The following TRHDE variants were observed in gnomAD, a reference collection of about 807,000 sequenced individuals.
TRHDE encodes thyrotropin-releasing hormone-degrading ectoenzyme.
Under a neutral mutation model 125.7 loss-of-function variants are expected in TRHDE, and 72 were observed. The ratio of observed to expected loss-of-function variants is 0.57; its 90% CI spans 0.47 to 0.70. TRHDE has a LOEUF of 0.70. Among genes scored for constraint, TRHDE ranks in the 30% least tolerant of loss-of-function variants. TRHDE has a pLI of 0.00. For synonymous variants in TRHDE, 509 were observed against 509.1 expected (o/e 1.00, Z 0.00); for missense variants, 1,110 against 1,327.1 (o/e 0.84, Z 2.54).
chr12:72,096,896 A>G (rs1874936296), intron 1 of TRHDE, among the ~76,000 whole-genome samples: 1 of 152,242 alleles, frequency 6.6e-6, no homozygotes, highest in Admixed American at 6.5e-5. Flanking sequence ...TTGGCAAAAT[A>G]CAGTCAATAA....
At chr12:72,148,378 T>C (rs1876276823) in intron 2 of TRHDE, among the ~76,000 whole-genome samples, 1 of 152,200 alleles carries the variant, frequency 6.6e-6, no homozygotes, top group Non-Finnish European at 1.5e-5. Context: ...ATCAATTTAA[T>C]AACAGAATAT....
rs548344423 is a variant in TRHDE at position 72,667,214 on chromosome 12, C to T, written c.*4019C>T. 1 of 151,884 alleles carries T rather than the reference C, an allele frequency of 6.6e-6. No individual in the cohort carries two copies. The highest frequency in any genetic ancestry group is 2.1e-4 in the South Asian group (1 of 4,806). 9.4% of individuals were successfully genotyped at this position (151,884 alleles called of 1,614,324 possible). A position where few individuals can be genotyped will look rare whatever the true frequency, so the allele number is the denominator to read the frequency against. On this transcript the variant is annotated 3_prime_UTR_variant, in exon 19 of 19. Coordinates refer to ENST00000261180, the MANE Select transcript of TRHDE (RefSeq NM_013381.3). Reference sequence around the variant, plus strand: ...AATTCTTTTCTAAGAAGTTGGAGAACCTAAAATAGCTTGCTTATTCGCCTG... The same window carrying T: ...AATTCTTTTCTAAGAAGTTGGAGAATCTAAAATAGCTTGCTTATTCGCCTG...
chr12:72,467,773 C>T (rs1876454062), intron 3 of TRHDE, among the ~76,000 whole-genome samples: 1 of 152,208 alleles, frequency 6.6e-6, no homozygotes, highest in Non-Finnish European at 1.5e-5. Flanking sequence ...CGAGATCGCA[C>T]CACTGCACTC....
intron 15 of TRHDE, among the ~76,000 whole-genome samples, chr12:72,648,790 A>C (rs1427661286): frequency 1.3e-5 from 2 of 152,110 alleles, no homozygotes; most frequent in Non-Finnish European, 2.9e-5. Context: ...CTATGAAAAA[A>C]AAATACAAAA....
chr12:72,587,987 G>A (rs1404687680), intron 12 of TRHDE, among the ~76,000 whole-genome samples: 2 of 152,102 alleles, frequency 1.3e-5, no homozygotes, highest in South Asian at 2.1e-4. Context: ...AAACAAGTCA[G>A]TTTCTGAAGT....
chr12:72,352,924 T>C lies in TRHDE; in HGVS notation c.1189-25071T>C, dbSNP rs376237617. ...ACAAAGTACTTGTCTCTGAGAAAAT[T>C]TGACAGAATTTGTACCTCTTCTGTA... On this transcript the variant is annotated intron_variant, in intron 2 of 18. Coordinates refer to ENST00000261180, the MANE Select transcript of TRHDE (RefSeq NM_013381.3). Among the ~76,000 whole-genome samples, 6 of 151,612 alleles carry C rather than the reference T, an allele frequency of 4.0e-5. No homozygotes were observed. In the South Asian group the frequency reaches 1.0e-3, roughly 26 times the overall value.
Position 72,358,423 on chromosome 12 carries a change from T to A in TRHDE, c.1189-19572T>A, listed in dbSNP as rs116283455. On this transcript the variant is annotated intron_variant, in intron 2 of 18. Coordinates refer to ENST00000261180, the MANE Select transcript of TRHDE (RefSeq NM_013381.3). ...TCATGATTTTAATAACATTTTCTTT[T>A]GTCTACCTTGCTTTATTGTAAGAAT... is the stretch of plus-strand genomic sequence containing the variant. Among the ~76,000 whole-genome samples the A allele has an allele frequency of 6.4e-3, 970 of 151,784 alleles. 12 individuals carry two copies. Among genetic ancestry groups the A allele is most frequent in the African/African-American group, 0.022 (897 of 41,496 alleles).
intron 3 of TRHDE, among the ~76,000 whole-genome samples, chr12:72,400,534 G>T (rs1301697183): frequency 6.6e-6 from 1 of 152,146 alleles, no homozygotes; most frequent in East Asian, 1.9e-4. Context: ...ATAGATATTA[G>T]ATATTCTCAA....
chr12:72,190,152 C>A (rs1877309581), intron 2 of TRHDE, among the ~76,000 whole-genome samples: 1 of 152,188 alleles, frequency 6.6e-6, no homozygotes, highest in South Asian at 2.1e-4. Flanking sequence ...ACTCCATCAT[C>A]AGGTAGAAAT....
chr12:72,605,870 T>C (rs980467886), intron 12 of TRHDE, among the ~76,000 whole-genome samples: 1 of 152,168 alleles, frequency 6.6e-6, no homozygotes, highest in Non-Finnish European at 1.5e-5. Context: ...GCAGCTGTAA[T>C]TCAATGTAAG....
chr12:72,144,172 A>T (rs1175599294), intron 2 of TRHDE, among the ~76,000 whole-genome samples: 2 of 152,160 alleles, frequency 1.3e-5, no homozygotes, highest in Non-Finnish European at 2.9e-5. Context: ...GGAGGAATTC[A>T]TTGCTTCTAG....
chr12:72,552,840 T>G (rs1869741942), intron 7 of TRHDE, among the ~76,000 whole-genome samples: 1 of 152,162 alleles, frequency 6.6e-6, no homozygotes, highest in Admixed American at 6.5e-5. Context: ...GATTTTTGTT[T>G]TATTTTTAAA....
chr12:72,300,857 A>C (rs890358552), intron 2 of TRHDE, among the ~76,000 whole-genome samples: 2 of 152,122 alleles, frequency 1.3e-5, no homozygotes, highest in Non-Finnish European at 2.9e-5. Flanking sequence ...GTGACAAAAA[A>C]ATAGAAGTGA....
chr12:72,223,133 T>C (rs1878034003), intron 2 of TRHDE, among the ~76,000 whole-genome samples: 1 of 151,988 alleles, frequency 6.6e-6, no homozygotes, highest in South Asian at 2.1e-4. Flanking sequence ...GATCCCAATA[T>C]CAAATTTAAA....
intron 3 of TRHDE, among the ~76,000 whole-genome samples, chr12:72,379,685 C>T (rs1332255723): frequency 6.6e-6 from 1 of 152,208 alleles, no homozygotes; most frequent in Non-Finnish European, 1.5e-5. Flanking sequence ...CAGCTTGCAG[C>T]AGGAAGCATT....
intron 2 of TRHDE, among the ~76,000 whole-genome samples, chr12:72,240,033 C>A (rs956065818): frequency 2.6e-5 from 4 of 152,124 alleles, no homozygotes; most frequent in African/African-American, 4.8e-5. Context: ...GTGTTCTGTT[C>A]TCCAAAAGTT....
At chr12:72,294,411 G>A (rs1326843614) in intron 2 of TRHDE, among the ~76,000 whole-genome samples, 1 of 152,052 alleles carries the variant, frequency 6.6e-6, no homozygotes, top group Non-Finnish European at 1.5e-5. Flanking sequence ...CCACAGCCAG[G>A]GTATCCTGAC....
intron 6 of TRHDE, among the ~76,000 whole-genome samples, chr12:72,522,376 C>G (rs1419167367): frequency 1.3e-5 from 2 of 152,156 alleles, no homozygotes; most frequent in African/African-American, 4.8e-5. Flanking sequence ...TCCTAGTTAT[C>G]ACCTAGTGCA....
intron 2 of TRHDE, among the ~76,000 whole-genome samples, chr12:72,224,906 A>C (rs1878093596): frequency 1.3e-5 from 2 of 152,154 alleles, no homozygotes; most frequent in African/African-American, 4.8e-5. Context: ...TCTTTAAAAT[A>C]GTCATTATCT....
Sources: gnomAD v4.1 joint callset for allele counts (sites outside exome capture counted in the v4.1 genomes callset) on GRCh38, gnomAD v4.1.1 for gene constraint, MANE v1.5 for transcripts, NCBI Gene and HGNC (gene_info 2026-07-23, HGNC 2026-07-21) for gene names.